The following DNAH11 variants were observed in gnomAD, a reference collection of about 807,000 sequenced individuals.
The protein encoded by DNAH11 is axonemal beta dynein heavy chain 11.
DNAH11 carries 442 observed loss-of-function variants against 526.0 expected under a neutral mutation model. The ratio of observed to expected loss-of-function variants is 0.84; its 90% CI spans 0.78 to 0.91. The LOEUF is 0.91. Ranked by LOEUF, DNAH11 falls within the 40% of genes least tolerant of loss-of-function variation. DNAH11 has a pLI of 0.00. For missense variants in DNAH11, 6,989 were observed against 5,448.7 expected (o/e 1.28, Z -8.90); for synonymous variants, 2,461 against 1,935.9 (o/e 1.27, Z -7.12).
intron 25 of DNAH11, among the ~76,000 whole-genome samples, chr7:21,621,342 C>A (rs1180209793): frequency 1.3e-5 from 2 of 152,032 alleles, no homozygotes; most frequent in Admixed American, 6.5e-5. Flanking sequence ...AGCTTACCAA[C>A]CAAAAAGAGT....
At chr7:21,622,620 A>AT (rs1330648536) in intron 25 of DNAH11, among the ~76,000 whole-genome samples, 3 of 152,134 alleles carry the variant, frequency 2.0e-5, no homozygotes, top group African/African-American at 7.2e-5. Flanking sequence ...ACCAAAACAG[A>AT]TATAGATCAA....
chr7:21,556,650 A>C (rs1193228589), intron 2 of DNAH11, among the ~76,000 whole-genome samples: 1 of 152,148 alleles, frequency 6.6e-6, no homozygotes, highest in Non-Finnish European at 1.5e-5. Flanking sequence ...TCCGATAGGC[A>C]GTTCTTTAGT....
At position 21,892,486 on chromosome 7, in the gene DNAH11, G is replaced by A. The variant is rs374787771; in HGVS notation, c.12569G>A (p.Gly4190Asp). 181 of 1,613,754 alleles carry A rather than the reference G, an allele frequency of 1.1e-4. 1 individual carries two copies. The highest frequency in any genetic ancestry group is 1.3e-4 in the Non-Finnish European group (157 of 1,179,856). ...GCCCCACCCTACCTAGATTATGCAG[G>A]CTACCACCAGTACATAGAGGAGATG... ...FAAPPYLDYA[G>D]YHQYIEEMLP... The change falls in exon 77 of 82, where the codon GGC (glycine) becomes GAC (aspartate). Residue 4190 changes from glycine (G) to aspartate (D), a missense_variant. Gly to Asp is a moderately conservative substitution (Grantham distance 94). Transcript: ENST00000409508.
At chr7:21,652,045 G>T (rs1344714520) in intron 28 of DNAH11, among the ~76,000 whole-genome samples, 1 of 152,182 alleles carries the variant, frequency 6.6e-6, no homozygotes, top group South Asian at 2.1e-4. Flanking sequence ...GTGTAGCAAA[G>T]AAATGAAAAT....
intron 20 of DNAH11, among the ~76,000 whole-genome samples, chr7:21,612,211 TAAAAAG>T (rs1208524244): frequency 6.6e-6 from 1 of 151,332 alleles, no homozygotes; most frequent in Non-Finnish European, 1.5e-5. Context: ...AGTCAGAAAA[TAAAAAG>T]AAAAATATTA....
chr7:21,831,365 TCTGTTTAATTTTC>T (rs1781760736), intron 65 of DNAH11, among the ~76,000 whole-genome samples: 1 of 152,172 alleles, frequency 6.6e-6, no homozygotes, highest in African/African-American at 2.4e-5. Flanking sequence ...ACATTAGCAG[TCTGTTTAATTTTC>T]CCAGATAGGA....
At chr7:21,872,530 G>A (rs1185289239) in intron 73 of DNAH11, among the ~76,000 whole-genome samples, 1 of 152,150 alleles carries the variant, frequency 6.6e-6, no homozygotes, top group Non-Finnish European at 1.5e-5. Flanking sequence ...CAAAGCCAGA[G>A]AACATGTAAG....
intron 44 of DNAH11, among the ~76,000 whole-genome samples, chr7:21,723,395 T>C (rs186538793): frequency 1.6e-4 from 24 of 152,348 alleles, no homozygotes; most frequent in Admixed American, 1.5e-3. Flanking sequence ...TCAGGACCTA[T>C]GTTCTTCAGC....
chr7:21,769,484 GT>G (rs369313852), intron 55 of DNAH11, among the ~76,000 whole-genome samples: 3 of 138,898 alleles, frequency 2.2e-5, no homozygotes, highest in Non-Finnish European at 3.1e-5. Context: ...TTATTCTTTG[GT>G]TTTTTTTTTC....
At position 21,899,341 on chromosome 7, in the gene DNAH11, A is replaced by G. The variant is rs777030468; in HGVS notation, c.13055A>G (p.Asn4352Ser). 4.3e-6 allele frequency: 7 copies of G among 1,613,894 alleles called. No individual in the cohort carries two copies. The highest frequency in any genetic ancestry group is 3.3e-5 in the Admixed American group (2 of 60,024). ...TCCTCCCTCCCATAAACCAGGTTCA[A>G]TGACCTCCTCCTGCGATGCCGAGAA... is the stretch of plus-strand genomic sequence containing the variant. Reference protein sequence around the residue: ...PSTYGLAQWFNDLLLRCRELD... With the variant: ...PSTYGLAQWFSDLLLRCRELD... The change falls in exon 80 of 82, where the codon AAT (asparagine) becomes AGT (serine). Residue 4352 changes from asparagine to serine, a missense_variant. Asn to Ser is a conservative substitution (Grantham distance 46). Coordinates refer to ENST00000409508, the MANE Select transcript of DNAH11 (RefSeq NM_001277115.2).
chr7:21,824,222 A>C (rs1790178738), intron 65 of DNAH11, among the ~76,000 whole-genome samples: 1 of 152,182 alleles, frequency 6.6e-6, no homozygotes, highest in African/African-American at 2.4e-5. Flanking sequence ...TATAAAATAC[A>C]TAATATATGA....
At chr7:21,801,111 CAA>C in intron 61 of DNAH11, 24 bp from the exon 62 acceptor site, 1 of 1,584,830 alleles carries the variant, frequency 6.3e-7, no homozygotes. Context: ...AAAAATGACT[CAA>C]AAGTTAATTC....
At chr7:21,817,050 G>A (rs1789825495) in intron 64 of DNAH11, among the ~76,000 whole-genome samples, 1 of 152,178 alleles carries the variant, frequency 6.6e-6, no homozygotes, top group South Asian at 2.1e-4. Flanking sequence ...GGGTGCCTCC[G>A]GGCTTCATGA....
intron 15 of DNAH11, 145 bp from the exon 16 acceptor site, chr7:21,600,531 A>G: frequency 1.0e-6 from 1 of 978,294 alleles, no homozygotes. Context: ...AGCACAGGGA[A>G]AAGAGAAGTT....
intron 44 of DNAH11, 68 bp from the exon 45 acceptor site, chr7:21,725,743 A>G (rs1785070932): frequency 6.8e-7 from 1 of 1,479,334 alleles, no homozygotes; most frequent in South Asian, 1.3e-5. Context: ...GTTACTCATA[A>G]TTTGTTTCTT....
intron 62 of DNAH11, among the ~76,000 whole-genome samples, chr7:21,802,900 G>C (rs1377413759): frequency 6.6e-6 from 1 of 151,134 alleles, no homozygotes; most frequent in Non-Finnish European, 1.5e-5. Context: ...TGAGAGAAAT[G>C]TACTAAAGTT....
chr7:21,592,566 G>C (rs1485395374), intron 14 of DNAH11, among the ~76,000 whole-genome samples: 1 of 152,132 alleles, frequency 6.6e-6, no homozygotes, highest in Non-Finnish European at 1.5e-5. Context: ...AGAGCAGCCA[G>C]AGACTTTCTG....
At chr7:21,769,911 G>C (rs1295795217) in intron 55 of DNAH11, among the ~76,000 whole-genome samples, 1 of 152,086 alleles carries the variant, frequency 6.6e-6, no homozygotes, top group East Asian at 1.9e-4. Context: ...GTTGGCTTCT[G>C]CTGGACTTTG....
Position 21,727,755 on chromosome 7 carries a change from G to GCATTT in DNAH11, c.7440+1775_7440+1776insTCATT, listed in dbSNP as rs1487134674. Among the ~76,000 whole-genome samples, 4 of 152,302 alleles carry GCATTT rather than the reference G, an allele frequency of 2.6e-5. No homozygotes were observed. In the East Asian group the frequency reaches 7.7e-4, roughly 29 times the overall value. ...AGTGCCAAATAACAGAAAGCCCAGT[G>GCATTT]CATTCATTTCCTGGAGCTGCCATAA... is the stretch of plus-strand genomic sequence containing the variant. On this transcript the variant is annotated intron_variant, in intron 45 of 81. Transcript: ENST00000409508.
Sources: gnomAD v4.1 joint callset for allele counts (sites outside exome capture counted in the v4.1 genomes callset) on GRCh38, gnomAD v4.1.1 for gene constraint, MANE v1.5 for transcripts, NCBI Gene and HGNC (gene_info 2026-07-23, HGNC 2026-07-21) for gene names.